The following APP variants were observed in gnomAD, a reference collection of about 807,000 sequenced individuals.
The protein encoded by APP is amyloid-beta precursor protein.
A neutral mutation model predicts 101.4 loss-of-function variants in APP; 31 were observed. That is an observed-to-expected ratio of 0.31 (90% CI 0.23 to 0.41). The LOEUF (loss-of-function observed/expected upper bound fraction) is 0.41. Among genes scored for constraint, APP ranks in the 10% least tolerant of loss-of-function variants. APP has a pLI of 1.00. For missense variants in APP, 839 were observed against 1,003.7 expected (o/e 0.84, Z 2.22); for synonymous variants, 366 against 364.4 (o/e 1.00, Z -0.05).
intron 2 of APP, among the ~76,000 whole-genome samples, chr21:26,110,956 C>T (rs1312717250): frequency 6.6e-6 from 1 of 151,872 alleles, no homozygotes; most frequent in Admixed American, 6.6e-5. Context: ...ATGCCTGGAA[C>T]TCCAGCTATT....
intron 2 of APP, among the ~76,000 whole-genome samples, chr21:26,090,907 A>G (rs1367722200): frequency 2.6e-5 from 4 of 152,218 alleles, no homozygotes; most frequent in Non-Finnish European, 4.4e-5. Flanking sequence ...TGCTCCTATA[A>G]CTAACTACAG....
chr21:25,993,725 G>A (rs963622443), intron 8 of APP, among the ~76,000 whole-genome samples: 1 of 152,098 alleles, frequency 6.6e-6, no homozygotes, highest in Admixed American at 6.6e-5. Context: ...AGTCAGATGT[G>A]GGGAAACTAC....
At chr21:25,917,290 G>A (rs2039400609) in intron 13 of APP, among the ~76,000 whole-genome samples, 1 of 150,822 alleles carries the variant, frequency 6.6e-6, no homozygotes, top group African/African-American at 2.4e-5. Context: ...AATGCTTTGA[G>A]GATGTATACG....
chr21:26,138,780 T>C (rs2062975715), intron 1 of APP, among the ~76,000 whole-genome samples: 1 of 152,122 alleles, frequency 6.6e-6, no homozygotes, highest in Admixed American at 6.5e-5. Flanking sequence ...ATGTATACAA[T>C]ACAGTCAGTA....
intron 2 of APP, among the ~76,000 whole-genome samples, chr21:26,105,301 T>A (rs1171357781): frequency 6.6e-6 from 1 of 152,122 alleles, no homozygotes; most frequent in Non-Finnish European, 1.5e-5. Flanking sequence ...GATGATCTGA[T>A]GAAAAGACTA....
At chr21:26,127,438 T>C (rs1309322372) in intron 1 of APP, among the ~76,000 whole-genome samples, 1 of 152,230 alleles carries the variant, frequency 6.6e-6, no homozygotes, top group Non-Finnish European at 1.5e-5. Context: ...AAATATATAC[T>C]AATAGGTTAC....
chr21:25,941,040 A>C (rs1364627166), intron 13 of APP, among the ~76,000 whole-genome samples: 1 of 152,236 alleles, frequency 6.6e-6, no homozygotes, highest in African/African-American at 2.4e-5. Flanking sequence ...TATACCTAAT[A>C]ATTTGTTTCA....
rs777809878 is a variant in APP, at chr21:26,051,173, G to A, written c.489C>T (p.Thr163=). The A allele has an allele frequency of 6.2e-7, 1 of 1,613,896 alleles. No homozygotes were observed. Among genetic ancestry groups the A allele is most frequent in the East Asian group, 2.2e-5 (1 of 44,878 alleles). Reference sequence around the variant, plus strand: ...GCAACATGCCGTAGTCATGCAAGTTGGTACTCTTCTCACTGCATGTCTACA... The same window carrying A: ...GCAACATGCCGTAGTCATGCAAGTTAGTACTCTTCTCACTGCATGTCTACA... ...VAKETCSEKS[T]NLHDYGMLLP... is the part of the protein sequence containing the mutation. Residue 163 remains threonine, a synonymous_variant, in exon 5 of 18, where the codon ACC becomes ACT. Transcript: ENST00000346798.
At chr21:25,909,333 A>G (rs900287529) in intron 14 of APP, among the ~76,000 whole-genome samples, 17 of 152,046 alleles carry the variant, frequency 1.1e-4, no homozygotes, top group South Asian at 2.1e-4. Flanking sequence ...ATCAATATAT[A>G]TATGTCAATG....
In APP at chr21:25,978,334, T is replaced by C. The variant is rs2042298073; in HGVS notation, c.1225-2306A>G. Among the ~76,000 whole-genome samples the C allele has an allele frequency of 1.3e-5, 2 of 152,206 alleles. 1 individual carries two copies. The highest frequency in any genetic ancestry group is 4.8e-5 in the African/African-American group (2 of 41,454). On this transcript the variant is annotated intron_variant, in intron 9 of 17. Coordinates refer to ENST00000346798, the MANE Select transcript of APP (RefSeq NM_000484.4). ...ACAGTGAATTTCACTGTGGGACTGATAACAAGTAGCATTACTGCTGACCCT... is the reference window on the plus strand; with the variant it reads ...ACAGTGAATTTCACTGTGGGACTGACAACAAGTAGCATTACTGCTGACCCT...
intron 3 of APP, among the ~76,000 whole-genome samples, chr21:26,077,184 A>C (rs1391312129): frequency 6.6e-6 from 1 of 152,202 alleles, no homozygotes; most frequent in Non-Finnish European, 1.5e-5. Context: ...CGATTTCTCC[A>C]TAACAAGAGG....
chr21:25,950,933 T>C (rs2041048197), intron 13 of APP, among the ~76,000 whole-genome samples: 1 of 152,184 alleles, frequency 6.6e-6, no homozygotes, highest in Admixed American at 6.5e-5. Context: ...ATAGAGTGTG[T>C]AAAACAAGTA....
At chr21:26,158,547 G>A (rs2063420976) in intron 1 of APP, among the ~76,000 whole-genome samples, 2 of 152,292 alleles carry the variant, frequency 1.3e-5, no homozygotes, top group South Asian at 2.1e-4. Flanking sequence ...AGCAGACCTT[G>A]AAAAGGACTT....
chr21:26,120,509 T>C (rs946768182), intron 1 of APP, among the ~76,000 whole-genome samples: 1 of 152,172 alleles, frequency 6.6e-6, no homozygotes, highest in African/African-American at 2.4e-5. Context: ...TGGCTTATGA[T>C]CTATACACTT....
At chr21:26,005,975 A>G (rs2043514509) in intron 6 of APP, among the ~76,000 whole-genome samples, 1 of 152,178 alleles carries the variant, frequency 6.6e-6, no homozygotes, top group Non-Finnish European at 1.5e-5. Context: ...TGAAAAGAAA[A>G]CAAATTTAAG....
At chr21:25,888,704 T>C (rs1288144921) in intron 17 of APP, among the ~76,000 whole-genome samples, 1 of 152,176 alleles carries the variant, frequency 6.6e-6, no homozygotes, top group Non-Finnish European at 1.5e-5. Flanking sequence ...AATGTCAGAA[T>C]CTGGGTCAAA....
rs550778642 is a variant in APP, at chr21:26,050,230, T to C, written c.662+770A>G. Among the ~76,000 whole-genome samples, 4 of 152,280 alleles carry C rather than the reference T, an allele frequency of 2.6e-5. No homozygotes were observed. In the South Asian group the frequency reaches 6.2e-4, roughly 24 times the overall value. ...TGTGCTGTTTGGAAATCTGTAGCTC[T>C]AGGGAACATCTAAGAGAATACTGAA... On this transcript the variant is annotated intron_variant, in intron 5 of 17. Transcript: ENST00000346798.
chr21:26,019,970 C>T (rs998704363), intron 6 of APP, among the ~76,000 whole-genome samples: 2 of 152,110 alleles, frequency 1.3e-5, no homozygotes, highest in Admixed American at 1.3e-4. Flanking sequence ...TACTTATGTG[C>T]TAAAGTGAGT....
intron 3 of APP, among the ~76,000 whole-genome samples, chr21:26,077,791 A>C (rs1038411578): frequency 6.6e-6 from 1 of 152,012 alleles, no homozygotes; most frequent in Non-Finnish European, 1.5e-5. Context: ...AAAAAAAAAA[A>C]AAAGACAGAC....
Sources: gnomAD v4.1 joint callset for allele counts (sites outside exome capture counted in the v4.1 genomes callset) on GRCh38, gnomAD v4.1.1 for gene constraint, MANE v1.5 for transcripts, NCBI Gene and HGNC (gene_info 2026-07-23, HGNC 2026-07-21) for gene names.